Variants in FAM171A2 observed in about 807,000 individuals in gnomAD.
FAM171A2 encodes the protein family with sequence similarity 171 member A2.
FAM171A2 carries 13 observed loss-of-function variants against 34.2 expected under a neutral mutation model. The observed-to-expected ratio is 0.38, with a 90% CI of 0.25 to 0.60. The LOEUF (loss-of-function observed/expected upper bound fraction) is 0.60, where lower values mean the gene tolerates loss of function less well. Among genes scored for constraint, FAM171A2 ranks in the 20% least tolerant of loss-of-function variants. FAM171A2 has a pLI of 0.62. For missense variants in FAM171A2, 950 were observed against 1,180.7 expected (o/e 0.80, Z 2.86); for synonymous variants, 475 against 561.2 (o/e 0.85, Z 2.17).
Position 44,363,768 on chromosome 17 carries a change from C to T in FAM171A2, c.-54G>A. ...CATGGCTCCCGCCTGGTCCCGCTCG[C>T]CCGGCCCCGCGCAGCCCCAGCTCTG... On this transcript the variant is annotated 5_prime_UTR_variant, in exon 1 of 8. Transcript: ENST00000293443. 1.1e-6 allele frequency: 1 copy of T among 870,640 alleles called. No homozygotes were observed. Among genetic ancestry groups the T allele is most frequent in the Non-Finnish European group, 1.5e-6 (1 of 672,068 alleles). The allele number at this position is 870,640 out of a possible 1,614,324, so 53.9% of individuals were successfully genotyped here.
intron 1 of FAM171A2, among the ~76,000 whole-genome samples, chr17:44,363,176 G>C (rs904719263): frequency 3.3e-5 from 5 of 151,844 alleles, no homozygotes; most frequent in Non-Finnish European, 7.4e-5. Context: ...TAGGGTGGCA[G>C]CGGATGCCGG....
In FAM171A2 at chr17:44,363,612, G is replaced by A. The variant is rs1265100596; in HGVS notation, c.103C>T (p.Pro35Ser). ...SRAPGKSPPE[P>S]PSPQEILIKV... is the part of the protein sequence containing the mutation. ...TGAGACTCACCCTGCGGGCTGGGGG[G>A]CTCCGGCGGCGACTTGCCGGGAGCC... Residue 35 changes from proline (P) to serine (S), a missense_variant, in exon 1 of 8, where the codon CCC becomes TCC. By Grantham distance (74) the Pro-to-Ser change is moderately conservative. This residue lies in a region of FAM171A2 where 752 missense variants were observed against 924.5 expected (regional missense o/e 0.81). Coordinates refer to ENST00000293443, the MANE Select transcript of FAM171A2 (RefSeq NM_198475.3). 5 of 1,228,846 alleles carry A rather than the reference G, an allele frequency of 4.1e-6. No homozygotes were observed. The highest frequency in any genetic ancestry group is 1.6e-5 in the African/African-American group (1 of 64,098). 76.1% of individuals were successfully genotyped at this position (1,228,846 alleles called of 1,614,324 possible). A position where few individuals can be genotyped will look rare whatever the true frequency, so the allele number is the denominator to read the frequency against.
In FAM171A2 at chr17:44,353,666, G is replaced by A; in HGVS notation, c.*67C>T. The stretch of plus-strand genomic sequence containing the variant: ...GAGCTACGCGCGAGGGCCCCCGCGG[G>A]CCCCCGGGGCGCGCACCCTGGGTGC... On this transcript the variant is annotated 3_prime_UTR_variant, in exon 8 of 8. Coordinates refer to ENST00000293443, the MANE Select transcript of FAM171A2 (RefSeq NM_198475.3). 2 of 1,165,966 alleles carry A rather than the reference G, an allele frequency of 1.7e-6. No homozygotes were observed. Among genetic ancestry groups the A allele is most frequent in the Non-Finnish European group, 2.1e-6 (2 of 941,356 alleles). The allele number at this position is 1,165,966 out of a possible 1,614,324, so 72.2% of individuals were successfully genotyped here.
rs762117455 is a variant in FAM171A2, at chr17:44,354,774, G to GGGC, written c.1437_1439dup (p.Pro480dup). 21 of 1,301,638 alleles carry GGGC rather than the reference G, an allele frequency of 1.6e-5. No homozygotes were observed. The highest frequency in any genetic ancestry group is 1.1e-4 in the South Asian group (5 of 47,546). The allele number at this position is 1,301,638 out of a possible 1,614,324, so 80.6% of individuals were successfully genotyped here. ...CCTTGTGGCCCAGGTAGTGGTCGAAGGGCGGCGGCGGCGAGGGCGGCTCGT... is the reference window on the plus strand; with the variant it reads ...CCTTGTGGCCCAGGTAGTGGTCGAAGGGCGGCGGCGGCGGCGAGGGCGGCTCGT... On this transcript the variant is annotated inframe_insertion, in exon 8 of 8. Transcript: ENST00000293443. This position sits in a 1 kb window ranked among gnomAD's most constrained non-coding sequence, Gnocchi z 5.8.
chr17:44,359,323 T>C (rs1472784196), intron 3 of FAM171A2: 3 of 503,912 alleles, frequency 6.0e-6, no homozygotes, highest in Non-Finnish European at 7.2e-6. Flanking sequence ...AGATGGAGAA[T>C]AGAAACCACG....
rs1446223853 is a variant in FAM171A2, at chr17:44,359,976, C to A, written c.275G>T (p.Trp92Leu). The A allele has an allele frequency of 8.4e-6, 13 of 1,551,672 alleles. No homozygotes were observed. Among genetic ancestry groups the A allele is most frequent in the Non-Finnish European group, 1.1e-5 (13 of 1,146,970 alleles). The stretch of plus-strand genomic sequence containing the variant: ...AGGGCGGGCAGCAGTGACCAGCACC[C>A]AGGTGCCCAAGCGATAACTGAGGGG... ...TLPLSYRLGTWVLVTAARPGF... is the reference protein window; with the variant it reads ...TLPLSYRLGTLVLVTAARPGF... The change falls in exon 2 of 8, where the codon TGG becomes TTG. Residue 92 changes from tryptophan to leucine, a missense_variant. This residue lies in a region of FAM171A2 where 752 missense variants were observed against 924.5 expected (regional missense o/e 0.81). Transcript: ENST00000293443.
chr17:44,353,491 A>C lies in FAM171A2; in HGVS notation c.*242T>G. 4 of 227,088 alleles carry C rather than the reference A, an allele frequency of 1.8e-5. No homozygotes were observed. The highest frequency in any genetic ancestry group is 2.5e-5 in the Non-Finnish European group (3 of 118,982). 14.1% of individuals were successfully genotyped at this position (227,088 alleles called of 1,614,324 possible). A position where few individuals can be genotyped will look rare whatever the true frequency, so the allele number is the denominator to read the frequency against. ...GTCTACACAGGCACTGCTTCCCCCC[A>C]GCCCTCCTCCCCGGCACCTCCCCGT... is the stretch of plus-strand genomic sequence containing the variant. On this transcript the variant is annotated 3_prime_UTR_variant, in exon 8 of 8. Coordinates refer to ENST00000293443, the MANE Select transcript of FAM171A2 (RefSeq NM_198475.3).
At chr17:44,358,647 T>C (rs1443886584) in intron 3 of FAM171A2, among the ~76,000 whole-genome samples, 2 of 151,878 alleles carry the variant, frequency 1.3e-5, no homozygotes, top group Non-Finnish European at 2.9e-5. Flanking sequence ...GCCGAGGTTA[T>C]ACCACTTCAG....
chr17:44,353,719 G>A lies in FAM171A2; in HGVS notation c.*14C>T. On this transcript the variant is annotated 3_prime_UTR_variant, in exon 8 of 8. Transcript: ENST00000293443. ...GCCCGCGCGGGAGGGGCGGTGCCAG[G>A]CCCTGCGCGGGCGCTACTTGACGTT... 1.5e-6 allele frequency: 2 copies of A among 1,376,448 alleles called. No individual in the cohort carries two copies. Among genetic ancestry groups the A allele is most frequent in the East Asian group, 6.7e-5 (2 of 29,998 alleles). The allele number at this position is 1,376,448 out of a possible 1,614,324, so 85.3% of individuals were successfully genotyped here.
At position 44,355,472 on chromosome 17, in the gene FAM171A2, C is replaced by G. The variant is rs1044928568; in HGVS notation, c.1022+243G>C. Among the ~76,000 whole-genome samples the G allele has an allele frequency of 1.3e-5, 2 of 152,204 alleles. No individual in the cohort carries two copies. The highest frequency in any genetic ancestry group is 4.8e-5 in the African/African-American group (2 of 41,458). The stretch of plus-strand genomic sequence containing the variant: ...GCCTGGAGTCCTCTGGGAGAGAGAG[C>G]TGGGCTGGTAGGGGCAGTGGCAGAT... On this transcript the variant is annotated intron_variant, in intron 7 of 7. Coordinates refer to ENST00000293443, the MANE Select transcript of FAM171A2 (RefSeq NM_198475.3). The surrounding 1 kb of genome is among the most constrained non-coding windows in gnomAD (Gnocchi z 4.1).
chr17:44,355,929 C>G lies in FAM171A2; in HGVS notation c.895+29G>C. ...TCTCCCAGCTCCCCTCCTCCGCGGCCTCTACGCCCACTGCCCCACTACTCT... is the reference window on the plus strand; with the variant it reads ...TCTCCCAGCTCCCCTCCTCCGCGGCGTCTACGCCCACTGCCCCACTACTCT... On this transcript the variant is annotated intron_variant, in intron 6 of 7. Coordinates refer to ENST00000293443, the MANE Select transcript of FAM171A2 (RefSeq NM_198475.3). The surrounding 1 kb of genome is among the most constrained non-coding windows in gnomAD (Gnocchi z 4.1). 1 of 1,542,438 alleles carries G rather than the reference C, an allele frequency of 6.5e-7. No individual in the cohort carries two copies. The highest frequency in any genetic ancestry group is 8.8e-7 in the Non-Finnish European group (1 of 1,141,502).
At position 44,355,339 on chromosome 17, in the gene FAM171A2, G is replaced by T; in HGVS notation, c.1023-148C>A. The T allele has an allele frequency of 5.1e-6, 7 of 1,374,974 alleles. No individual in the cohort carries two copies. The highest frequency in any genetic ancestry group is 6.7e-6 in the Non-Finnish European group (7 of 1,040,230). The allele number at this position is 1,374,974 out of a possible 1,614,324, so 85.2% of individuals were successfully genotyped here. Reference sequence around the variant, plus strand: ...CGCTCAGGAGAGATGGCGGGGAGCCGCCGTGTCCGTTTGGCGATCCCCTCA... The same window carrying T: ...CGCTCAGGAGAGATGGCGGGGAGCCTCCGTGTCCGTTTGGCGATCCCCTCA... On this transcript the variant is annotated intron_variant, in intron 7 of 7. Coordinates refer to ENST00000293443, the MANE Select transcript of FAM171A2 (RefSeq NM_198475.3). This position sits in a 1 kb window ranked among gnomAD's most constrained non-coding sequence, Gnocchi z 4.1.
rs563663536 is a variant in FAM171A2, at chr17:44,361,895, A to C, written c.118+1702T>G. ...CCAACACCCATTAGGAATTCGGAGA[A>C]GCTAGAAGGTCCTGGCTACTCCCAC... On this transcript the variant is annotated intron_variant, in intron 1 of 7. Coordinates refer to ENST00000293443, the MANE Select transcript of FAM171A2 (RefSeq NM_198475.3). Among the ~76,000 whole-genome samples the C allele has an allele frequency of 3.3e-5, 5 of 152,170 alleles. No individual in the cohort carries two copies. The South Asian group carries it at 1.0e-3, about 32-fold the overall frequency.
intron 3 of FAM171A2, among the ~76,000 whole-genome samples, chr17:44,357,056 A>AT: frequency 6.6e-6 from 1 of 152,162 alleles, no homozygotes; most frequent in East Asian, 1.9e-4. Context: ...AAATGTAATG[A>AT]TTTTTTTCTA....
At position 44,355,832 on chromosome 17, in the gene FAM171A2, G is replaced by A. The variant is rs1269585497; in HGVS notation, c.905C>T (p.Thr302Ile). The A allele has an allele frequency of 6.4e-7, 1 of 1,551,586 alleles. No homozygotes were observed. The highest frequency in any genetic ancestry group is 8.7e-7 in the Non-Finnish European group (1 of 1,147,026). The change falls in exon 7 of 8, where the codon ACC becomes ATC. Residue 302 changes from threonine to isoleucine, a missense_variant. Thr to Ile is a moderately conservative substitution (Grantham distance 89). Around this residue, in one of 3 missense-constraint regions of FAM171A2, gnomAD observed 752 missense variants for 924.5 expected, o/e 0.81. Coordinates refer to ENST00000293443, the MANE Select transcript of FAM171A2 (RefSeq NM_198475.3). This position sits in a 1 kb window ranked among gnomAD's most constrained non-coding sequence, Gnocchi z 4.1. ...GATGTCCTGGATGCCCGACGTGATG[G>A]TGACCAGCCCTGTGCCAGGCGAGGG... ...AMASPTAGLV[T>I]ITSGIQDIGT... is the part of the protein sequence containing the mutation.
At chr17:44,357,335 G>A (rs1445466531) in intron 3 of FAM171A2, among the ~76,000 whole-genome samples, 2 of 132,794 alleles carry the variant, frequency 1.5e-5, no homozygotes, top group Non-Finnish European at 1.6e-5. Flanking sequence ...CATCAAGAGC[G>A]AAACTCCATC....
Position 44,354,217 on chromosome 17 carries a change from A to C in FAM171A2, c.1997T>G (p.Val666Gly), listed in dbSNP as rs1158022280. 6.9e-7 allele frequency: 1 copy of C among 1,449,898 alleles called. No individual in the cohort carries two copies. The highest frequency in any genetic ancestry group is 1.5e-5 in the African/African-American group (1 of 67,462). 89.8% of individuals were successfully genotyped at this position (1,449,898 alleles called of 1,614,324 possible). Residue 666 changes from valine (V) to glycine (G), a missense_variant, in exon 8 of 8, where the codon GTG becomes GGG. By Grantham distance (109) the Val-to-Gly change is moderately radical (BLOSUM62 -3). Transcript: ENST00000293443. This position sits in a 1 kb window ranked among gnomAD's most constrained non-coding sequence, Gnocchi z 5.8. ...VSLDGRSNSQ[V>G]RHSYIDLQAG... ...CTGCAGGTCGATGTAAGAGTGGCGC[A>C]CTTGCGAGTTGGAGCGCCCGTCGAG...
Position 44,355,361 on chromosome 17 carries a change from C to G in FAM171A2, c.1023-170G>C, listed in dbSNP as rs914831985. On this transcript the variant is annotated intron_variant, in intron 7 of 7. Coordinates refer to ENST00000293443, the MANE Select transcript of FAM171A2 (RefSeq NM_198475.3). This position sits in a 1 kb window ranked among gnomAD's most constrained non-coding sequence, Gnocchi z 4.1. ...GCCGCCGTGTCCGTTTGGCGATCCC[C>G]TCAGGGTCAACTCTGCACTCCTCTG... is the stretch of plus-strand genomic sequence containing the variant. Among the ~76,000 whole-genome samples the G allele has an allele frequency of 6.6e-6, 1 of 152,240 alleles. No individual in the cohort carries two copies. The highest frequency in any genetic ancestry group is 1.5e-5 in the Non-Finnish European group (1 of 68,030).
chr17:44,355,596 T>G lies in FAM171A2; in HGVS notation c.1022+119A>C. On this transcript the variant is annotated intron_variant, in intron 7 of 7. Transcript: ENST00000293443. The surrounding 1 kb of genome is among the most constrained non-coding windows in gnomAD (Gnocchi z 4.1). ...AGCACCAGCCCTTCAGGTCTTAGCA[T>G]GTTTGCAGGAAGTCTTTTCCTGTCT... 4.5e-5 allele frequency: 60 copies of G among 1,346,586 alleles called. No individual in the cohort carries two copies. Among genetic ancestry groups the G allele is most frequent in the Non-Finnish European group, 5.6e-5 (55 of 988,884 alleles). The allele number at this position is 1,346,586 out of a possible 1,614,324, so 83.4% of individuals were successfully genotyped here.
Sources: allele counts gnomAD v4.1 joint callset (sites outside exome capture counted in the v4.1 genomes callset), GRCh38; gene constraint gnomAD v4.1.1; regional missense constraint gnomAD v4.1.1; non-coding constraint Gnocchi (gnomAD v3.1); transcripts MANE v1.5; gene names NCBI Gene and HGNC (gene_info 2026-07-23, HGNC 2026-07-21).